Variants in C8orf34 observed in about 807,000 individuals in gnomAD.
The protein encoded by C8orf34 is uncharacterized protein C8orf34.
Under a neutral mutation model 68.3 loss-of-function variants are expected in C8orf34, and 65 were observed. The ratio of observed to expected loss-of-function variants is 0.95; its 90% CI spans 0.78 to 1.17. The LOEUF is 1.17. Among genes scored for constraint, C8orf34 ranks in the 50% most tolerant of loss-of-function variants. The probability of loss-of-function intolerance (pLI) is 0.00; values close to 1 mark genes in which losing one functional copy is unlikely to be tolerated. For missense variants in C8orf34, 664 were observed against 655.4 expected (o/e 1.01, Z -0.14); for synonymous variants, 244 against 241.2 (o/e 1.01, Z -0.11).
At chr8:68,440,945 C>T (rs1305819175) in intron 2 of C8orf34, among the ~76,000 whole-genome samples, 3 of 152,158 alleles carry the variant, frequency 2.0e-5, no homozygotes, top group East Asian at 1.9e-4. Context: ...GCTGGAACTA[C>T]AGGCACCCGC....
At chr8:68,568,098 G>T (rs1414553392) in intron 7 of C8orf34, among the ~76,000 whole-genome samples, 2 of 152,002 alleles carry the variant, frequency 1.3e-5, no homozygotes, top group African/African-American at 4.8e-5. Flanking sequence ...ACATTTATTG[G>T]TTAAGTTCAC....
chr8:68,600,277 A>G (rs1817662254), intron 7 of C8orf34, among the ~76,000 whole-genome samples: 1 of 152,128 alleles, frequency 6.6e-6, no homozygotes, highest in African/African-American at 2.4e-5. Flanking sequence ...TTCAACCTTT[A>G]AAATATAATT....
At chr8:68,626,017 C>T (rs1818528902) in intron 7 of C8orf34, among the ~76,000 whole-genome samples, 1 of 152,084 alleles carries the variant, frequency 6.6e-6, no homozygotes, top group Non-Finnish European at 1.5e-5. Context: ...TTGAAAATCT[C>T]AATATTAATA....
At chr8:68,603,794 T>A (rs1448816827) in intron 7 of C8orf34, among the ~76,000 whole-genome samples, 1 of 152,090 alleles carries the variant, frequency 6.6e-6, no homozygotes, top group African/African-American at 2.4e-5. Context: ...ATACTTTCAT[T>A]GAACTGTTGG....
intron 6 of C8orf34, among the ~76,000 whole-genome samples, chr8:68,527,658 C>T (rs1179816963): frequency 4.6e-5 from 7 of 152,224 alleles, no homozygotes; most frequent in Admixed American, 4.6e-4. Context: ...CGTTAGGTCA[C>T]TGAGCTAGGC....
chr8:68,601,773 C>T (rs1817705818), intron 7 of C8orf34, among the ~76,000 whole-genome samples: 3 of 152,086 alleles, frequency 2.0e-5, no homozygotes, highest in African/African-American at 7.2e-5. Context: ...TTGTGATTTT[C>T]CTGATTCTTG....
intron 1 of C8orf34, among the ~76,000 whole-genome samples, chr8:68,407,992 G>A (rs1809272436): frequency 6.6e-6 from 1 of 152,060 alleles, no homozygotes. Flanking sequence ...GACTGTTACA[G>A]GTCCATGACC....
rs77585243 is a variant in C8orf34, at chr8:68,607,144, C to T, written c.1106-33232C>T. The stretch of plus-strand genomic sequence containing the variant: ...GCTAGTCTCCTAAGGCTTTGTTCAT[C>T]GAAAAAAGACAAAGAAGAAAAGGAT... On this transcript the variant is annotated intron_variant, in intron 7 of 13. Coordinates refer to ENST00000518698, the MANE Select transcript of C8orf34 (RefSeq NM_052958.4). Among the ~76,000 whole-genome samples, 653 of 152,028 alleles carry T rather than the reference C, an allele frequency of 4.3e-3. 6 individuals are homozygous for T. Among genetic ancestry groups the T allele is most frequent in the African/African-American group, 0.014 (582 of 41,482 alleles).
chr8:68,333,680 T>C (rs1400065836), intron 1 of C8orf34, among the ~76,000 whole-genome samples: 1 of 152,112 alleles, frequency 6.6e-6, no homozygotes, highest in Non-Finnish European at 1.5e-5. Flanking sequence ...TTCACAGGAA[T>C]TGATTTGGGT....
chr8:68,396,861 G>A (rs1203172484), intron 1 of C8orf34, among the ~76,000 whole-genome samples: 1 of 151,658 alleles, frequency 6.6e-6, no homozygotes, highest in Admixed American at 6.6e-5. Flanking sequence ...AGAAGCAGAT[G>A]CTAACACCAT....
chr8:68,746,814 A>G (rs1037713830), intron 10 of C8orf34, among the ~76,000 whole-genome samples: 1 of 151,516 alleles, frequency 6.6e-6, no homozygotes, highest in Non-Finnish European at 1.5e-5. Context: ...TACAAGGAGG[A>G]ACTGGTACCA....
chr8:68,512,944 T>G (rs1330440125), intron 5 of C8orf34, among the ~76,000 whole-genome samples: 1 of 152,176 alleles, frequency 6.6e-6, no homozygotes, highest in Non-Finnish European at 1.5e-5. Flanking sequence ...GTGTGCTAAG[T>G]GCAGCCAAGG....
At chr8:68,425,554 C>T (rs1264436388) in intron 1 of C8orf34, among the ~76,000 whole-genome samples, 2 of 151,974 alleles carry the variant, frequency 1.3e-5, no homozygotes, top group African/African-American at 2.4e-5. Context: ...AAATCATGTA[C>T]CAGATCTTTA....
chr8:68,723,515 G>C (rs968874078), intron 10 of C8orf34, among the ~76,000 whole-genome samples: 2 of 152,012 alleles, frequency 1.3e-5, no homozygotes, highest in African/African-American at 4.8e-5. Context: ...AATATTATTT[G>C]GTGATTATAA....
Position 68,528,669 on chromosome 8 carries a change from C to G in C8orf34, c.939-4314C>G, listed in dbSNP as rs571389825. On this transcript the variant is annotated intron_variant, in intron 6 of 13. Transcript: ENST00000518698. ...TCACGACCACCAAACTCCAGGGGCACACTGGTGCTACCCGGCAATGCAGCT... is the reference window on the plus strand; with the variant it reads ...TCACGACCACCAAACTCCAGGGGCAGACTGGTGCTACCCGGCAATGCAGCT... Among the ~76,000 whole-genome samples, 50 of 152,332 alleles carry G rather than the reference C, an allele frequency of 3.3e-4. 1 individual carries two copies. The highest frequency in any genetic ancestry group is 1.2e-3 in the African/African-American group (50 of 41,586).
chr8:68,738,094 T>A (rs984968931), intron 10 of C8orf34, among the ~76,000 whole-genome samples: 1 of 151,800 alleles, frequency 6.6e-6, no homozygotes, highest in African/African-American at 2.4e-5. Context: ...TTTTATATGG[T>A]CCAGTTTCTC....
intron 10 of C8orf34, among the ~76,000 whole-genome samples, chr8:68,774,465 G>A (rs1329788992): frequency 1.3e-5 from 2 of 151,876 alleles, no homozygotes; most frequent in African/African-American, 4.8e-5. Flanking sequence ...TTTCCCAGTA[G>A]TTTATGCTTT....
At chr8:68,415,132 C>G (rs1432376125) in intron 1 of C8orf34, among the ~76,000 whole-genome samples, 1 of 152,098 alleles carries the variant, frequency 6.6e-6, no homozygotes, top group Non-Finnish European at 1.5e-5. Flanking sequence ...GTTCAGAAGC[C>G]ACAGGAATCA....
At chr8:68,700,567 C>G (rs1163321560) in intron 8 of C8orf34, among the ~76,000 whole-genome samples, 2 of 152,064 alleles carry the variant, frequency 1.3e-5, no homozygotes, top group Non-Finnish European at 2.9e-5. Flanking sequence ...GACAGTTATT[C>G]TGGGGACCAC....
Sources: gnomAD v4.1 joint callset for allele counts (sites outside exome capture counted in the v4.1 genomes callset) on GRCh38, gnomAD v4.1.1 for gene constraint, MANE v1.5 for transcripts, NCBI Gene and HGNC (gene_info 2026-07-23, HGNC 2026-07-21) for gene names.